RANBP2: variants seen among roughly 807,000 people sequenced by gnomAD.
The protein encoded by RANBP2 is RAN binding protein 2, also known as E3 SUMO-protein ligase RanBP2.
Under a neutral mutation model 303.6 loss-of-function variants are expected in RANBP2, and 57 were observed. The observed-to-expected ratio is 0.19, with a 90% confidence interval of 0.15 to 0.23. The LOEUF is 0.23. Ranked by LOEUF, RANBP2 falls within the 10% of genes least tolerant of loss-of-function variation. The pLI is 1.00. For synonymous variants in RANBP2, 1,167 were observed against 1,301.5 expected (o/e 0.90, Z 2.23); for missense variants, 3,138 against 3,780.8 (o/e 0.83, Z 4.46).
At chr2:108,926,062 G>T in the RANBP2 span, among the ~76,000 whole-genome samples, 11 of 152,156 alleles carry the variant, frequency 7.2e-5, no homozygotes, top group African/African-American at 2.7e-4. Context: ...TAAATGTTAG[G>T]TTCTCTCTGT....
chr2:109,191,556 G>T, the RANBP2 span, among the ~76,000 whole-genome samples: 2 of 152,168 alleles, frequency 1.3e-5, no homozygotes, highest in Non-Finnish European at 2.9e-5. Flanking sequence ...CAGGCTTGAC[G>T]CTGCCTCCCA....
the RANBP2 span, among the ~76,000 whole-genome samples, chr2:109,375,684 A>C: frequency 6.6e-6 from 1 of 152,222 alleles, no homozygotes; most frequent in African/African-American, 2.4e-5. Flanking sequence ...GGACTCCGTC[A>C]TCCAGAGTTC....
At chr2:109,067,402 G>T in the RANBP2 span, among the ~76,000 whole-genome samples, 1 of 152,312 alleles carries the variant, frequency 6.6e-6, no homozygotes, top group African/African-American at 2.4e-5. Flanking sequence ...TAATCTCTCC[G>T]CTGCTCTCTC....
the RANBP2 span, among the ~76,000 whole-genome samples, chr2:109,742,742 G>A: frequency 6.8e-6 from 1 of 146,890 alleles, no homozygotes; most frequent in East Asian, 1.9e-4. Context: ...TGAAGTCAGA[G>A]TACTGACACC....
At chr2:109,498,320 G>A in the RANBP2 span, among the ~76,000 whole-genome samples, 1 of 152,138 alleles carries the variant, frequency 6.6e-6, no homozygotes, top group African/African-American at 2.4e-5. Flanking sequence ...CCAGGAGTAG[G>A]AACACTGCAC....
rs768881118 is a variant in RANBP2 at position 108,772,994 on chromosome 2, A to G, written c.8240A>G (p.Asn2747Ser). The G allele has an allele frequency of 2.5e-6, 4 of 1,613,922 alleles. No individual in the cohort carries two copies. Among genetic ancestry groups the G allele is most frequent in the East Asian group, 2.2e-5 (1 of 44,864 alleles). ...CGVCSDTDED[N>S]GNGEDFQSEL... Reference sequence around the variant, plus strand: ...GTCTGTAGTGATACTGATGAAGACAATGGAAATGGGGAGGACTTTCAATCA... The same window carrying G: ...GTCTGTAGTGATACTGATGAAGACAGTGGAAATGGGGAGGACTTTCAATCA... The change falls in exon 23 of 29, where the codon AAT (asparagine) becomes AGT (serine). Residue 2747 changes from asparagine (N) to serine (S), a missense_variant. Coordinates refer to ENST00000283195, the MANE Select transcript of RANBP2 (RefSeq NM_006267.5).
the RANBP2 span, among the ~76,000 whole-genome samples, chr2:109,668,512 C>T: frequency 2.6e-5 from 4 of 152,274 alleles, no homozygotes; most frequent in East Asian, 7.7e-4. Context: ...ATCCCACAGG[C>T]AACACTTGTG....
chr2:109,427,373 G>C, the RANBP2 span, among the ~76,000 whole-genome samples: 1 of 152,082 alleles, frequency 6.6e-6, no homozygotes, highest in African/African-American at 2.4e-5. Context: ...TACATATATT[G>C]GTAAACCAAA....
At chr2:109,719,473 C>T in the RANBP2 span, among the ~76,000 whole-genome samples, 1 of 149,356 alleles carries the variant, frequency 6.7e-6, no homozygotes, top group Non-Finnish European at 1.5e-5. Context: ...ATGGTGGGAT[C>T]CCCGCTCACT....
intron 23 of RANBP2, among the ~76,000 whole-genome samples, chr2:108,774,451 A>G (rs546120556): frequency 3.3e-5 from 5 of 152,308 alleles, no homozygotes; most frequent in East Asian, 3.9e-4. Context: ...CAGCCTGGAC[A>G]ACAACATAGT....
the RANBP2 span, among the ~76,000 whole-genome samples, chr2:108,880,893 A>T: frequency 6.6e-6 from 1 of 152,214 alleles, no homozygotes; most frequent in Non-Finnish European, 1.5e-5. Flanking sequence ...ACCAAAACGT[A>T]ATTTCAACTT....
chr2:108,872,458 C>T, the RANBP2 span, among the ~76,000 whole-genome samples: 299 of 152,296 alleles, frequency 2.0e-3, 8 homozygotes, highest in Non-Finnish European at 2.1e-3. Context: ...GCAAAAGGCA[C>T]ATAACCATTG....
the RANBP2 span, chr2:109,593,128 G>C: frequency 6.3e-7 from 1 of 1,578,466 alleles, no homozygotes; most frequent in Non-Finnish European, 8.6e-7. Context: ...AGCTAAAAAA[G>C]GAATACAAAG....
the RANBP2 span, among the ~76,000 whole-genome samples, chr2:109,602,075 C>T: frequency 6.6e-6 from 1 of 152,186 alleles, no homozygotes; most frequent in Non-Finnish European, 1.5e-5. Flanking sequence ...CTAGGAAGCA[C>T]TGAGCTCAGA....
At chr2:109,030,557 C>T in the RANBP2 span, among the ~76,000 whole-genome samples, 2 of 152,110 alleles carry the variant, frequency 1.3e-5, no homozygotes, top group Admixed American at 6.5e-5. Context: ...GATGAGGCTC[C>T]CTGAGAAGGA....
At chr2:109,016,338 C>T in the RANBP2 span, among the ~76,000 whole-genome samples, 3 of 152,186 alleles carry the variant, frequency 2.0e-5, no homozygotes, top group South Asian at 4.1e-4. Flanking sequence ...CTGCCTGCCT[C>T]GGCCTCCCAA....
At chr2:109,596,940 A>C in the RANBP2 span, among the ~76,000 whole-genome samples, 1 of 152,154 alleles carries the variant, frequency 6.6e-6, no homozygotes, top group South Asian at 2.1e-4. Flanking sequence ...TTTTTTTAAA[A>C]TTTATTAATT....
At chr2:108,735,200 A>G (rs1487396400) in intron 4 of RANBP2, among the ~76,000 whole-genome samples, 1 of 152,138 alleles carries the variant, frequency 6.6e-6, no homozygotes, top group East Asian at 1.9e-4. Context: ...GTTTGAACAT[A>G]AGGACCTTGT....
chr2:109,194,651 T>C, the RANBP2 span, among the ~76,000 whole-genome samples: 124,477 of 152,138 alleles, frequency 0.82, 51,055 homozygotes, highest in East Asian at 0.89. Context: ...CAGGAAGAGA[T>C]GGGTTTGGTG....
Sources: gnomAD v4.1 joint callset for allele counts (sites outside exome capture counted in the v4.1 genomes callset) on GRCh38, gnomAD v4.1.1 for gene constraint, MANE v1.5 for transcripts, NCBI Gene and HGNC (gene_info 2026-07-23, HGNC 2026-07-21) for gene names.